The following NDRG1 variants were observed in gnomAD, a reference collection of about 807,000 sequenced individuals.
NDRG1 encodes the protein protein NDRG1.
NDRG1 carries 32 observed loss-of-function variants against 56.9 expected under a neutral mutation model. The observed-to-expected ratio is 0.56, with a 90% CI of 0.42 to 0.76. The LOEUF (loss-of-function observed/expected upper bound fraction) is 0.76, where lower values mean the gene tolerates loss of function less well. NDRG1 is among the 30% of genes least tolerant of loss of function. The probability of loss-of-function intolerance (pLI) is 0.00; values close to 1 mark genes in which losing one functional copy is unlikely to be tolerated. For missense variants in NDRG1, 507 were observed against 545.7 expected, an observed-to-expected ratio of 0.93 and a Z score of 0.71; for synonymous variants, 211 against 204.1, an observed-to-expected ratio of 1.03 and a Z score of -0.29.
chr8:133,242,226 A>C (rs1348952332), intron 14 of NDRG1, 152 bp from the exon 15 acceptor site: 6 of 783,118 alleles, frequency 7.7e-6, no homozygotes, highest in Non-Finnish European at 1.3e-5. Context: ...CAAAAGTAAG[A>C]GTATGGGACA....
chr8:133,285,410 A>G (rs1858053253), intron 1 of NDRG1, among the ~76,000 whole-genome samples: 1 of 152,120 alleles, frequency 6.6e-6, no homozygotes, highest in Non-Finnish European at 1.5e-5. Flanking sequence ...CTGAATGGAA[A>G]ACGCCTGACC....
In NDRG1 at chr8:133,246,612, G is replaced by C. The variant is rs1045595033; in HGVS notation, c.855+4C>G. 3 of 1,614,060 alleles carry C rather than the reference G, an allele frequency of 1.9e-6. No individual in the cohort carries two copies. The highest frequency in any genetic ancestry group is 1.7e-6 in the Non-Finnish European group (2 of 1,179,918). On this transcript the variant is annotated splice_donor_region_variant and intron_variant, in intron 13 of 15. Coordinates refer to ENST00000323851, the MANE Select transcript of NDRG1 (RefSeq NM_006096.4). ...AACACGAACCCCCACTGTTTTCCCT[G>C]TACCTTGAGGAGAGTGGTCTTTGTT... is the stretch of plus-strand genomic sequence containing the variant.
At chr8:133,239,170 G>A in intron 15 of NDRG1, 51 bp from the exon 16 acceptor site, 1 of 1,548,364 alleles carries the variant, frequency 6.5e-7, no homozygotes, top group Non-Finnish European at 8.7e-7. Context: ...GCCAGGTGAG[G>A]AGCCAGGCAT....
intron 2 of NDRG1, among the ~76,000 whole-genome samples, chr8:133,283,649 T>C (rs2130793541): frequency 6.6e-6 from 1 of 152,344 alleles, no homozygotes; most frequent in South Asian, 2.1e-4. Context: ...ATGAATTAGG[T>C]CACTCCATCC....
intron 1 of NDRG1, chr8:133,296,694 GACACACACAC>G (rs36215434): frequency 0.015 from 4,077 of 269,982 alleles, 16 homozygotes; most frequent in Middle Eastern, 0.045. Flanking sequence ...CCCAGACACA[GACACACACAC>G]ACACACACAC....
intron 1 of NDRG1, among the ~76,000 whole-genome samples, chr8:133,285,598 C>T (rs1309743879): frequency 1.3e-5 from 2 of 152,194 alleles, no homozygotes; most frequent in African/African-American, 2.4e-5. Flanking sequence ...CCGGCAAGTG[C>T]GGGCCACCCC....
At chr8:133,265,199 C>T (rs1856856317) in intron 3 of NDRG1, among the ~76,000 whole-genome samples, 1 of 152,210 alleles carries the variant, frequency 6.6e-6, no homozygotes, top group Admixed American at 6.5e-5. Context: ...TTCATGCACT[C>T]CACCTCCCAG....
chr8:133,252,373 G>T (rs915774794), intron 9 of NDRG1, among the ~76,000 whole-genome samples: 3 of 152,170 alleles, frequency 2.0e-5, no homozygotes, highest in African/African-American at 7.2e-5. Flanking sequence ...GGGATTATAG[G>T]TGTGAGCCAC....
intron 9 of NDRG1, among the ~76,000 whole-genome samples, chr8:133,251,868 A>G (rs1170585185): frequency 2.0e-5 from 3 of 152,224 alleles, no homozygotes; most frequent in Admixed American, 1.3e-4. Flanking sequence ...AGTATCCTTA[A>G]AAGAGGAAGG....
chr8:133,258,875 C>A, intron 6 of NDRG1: 1 of 536,616 alleles, frequency 1.9e-6, no homozygotes, highest in Non-Finnish European at 3.4e-6. Flanking sequence ...CAGAACATTC[C>A]ATGGGAAAGA....
intron 13 of NDRG1, among the ~76,000 whole-genome samples, chr8:133,244,850 T>C (rs1855581508): frequency 6.6e-6 from 1 of 152,206 alleles, no homozygotes; most frequent in African/African-American, 2.4e-5. Context: ...CAGGCCGGAT[T>C]CAGCTGACCA....
At position 133,238,711 on chromosome 8, in the gene NDRG1, C is replaced by A; in HGVS notation, c.*167G>T. ...CGCCACCCCGCCTTTGGAGAGGGCA[C>A]CCACGTAATAGACCTCATTTGTCTC... On this transcript the variant is annotated 3_prime_UTR_variant, in exon 16 of 16. Coordinates refer to ENST00000323851, the MANE Select transcript of NDRG1 (RefSeq NM_006096.4). 2.4e-6 allele frequency: 2 copies of A among 842,596 alleles called. No homozygotes were observed. The highest frequency in any genetic ancestry group is 3.6e-6 in the Non-Finnish European group (2 of 560,882). The allele number at this position is 842,596 out of a possible 1,614,324, so 52.2% of individuals were successfully genotyped here.
At chr8:133,264,875 A>T in intron 3 of NDRG1, 1 of 594,300 alleles carries the variant, frequency 1.7e-6, no homozygotes, top group East Asian at 2.9e-5. Context: ...CCTGGCTCAG[A>T]CTGCGCTGTT....
At chr8:133,247,278 A>G (rs1273814793) in intron 12 of NDRG1, among the ~76,000 whole-genome samples, 1 of 152,250 alleles carries the variant, frequency 6.6e-6, no homozygotes, top group Non-Finnish European at 1.5e-5. Context: ...TCACTAAGGC[A>G]TGCCAGGTAT....
intron 13 of NDRG1, 29 bp from the exon 14 acceptor site, chr8:133,244,419 A>C (rs1253286187): frequency 1.9e-6 from 3 of 1,614,052 alleles, no homozygotes. Flanking sequence ...CGTTAGTGCC[A>C]AACACCACAG....
At chr8:133,255,406 G>A (rs191153332) in intron 8 of NDRG1, 6 of 456,274 alleles carry the variant, frequency 1.3e-5, no homozygotes, top group Non-Finnish European at 2.6e-5. Flanking sequence ...AAAGGCTGGA[G>A]TTGAAAAAGA....
At chr8:133,276,928 A>G (rs995371370) in intron 3 of NDRG1, among the ~76,000 whole-genome samples, 7 of 152,238 alleles carry the variant, frequency 4.6e-5, no homozygotes, top group African/African-American at 1.7e-4. Context: ...CAAAGTGCCC[A>G]AAGTGTCCAC....
At chr8:133,287,266 C>G (rs1266106774) in intron 1 of NDRG1, among the ~76,000 whole-genome samples, 1 of 152,170 alleles carries the variant, frequency 6.6e-6, no homozygotes, top group African/African-American at 2.4e-5. Context: ...GGACTTGGCT[C>G]CCTACAATCT....
intron 3 of NDRG1, among the ~76,000 whole-genome samples, chr8:133,277,502 G>A (rs1857516458): frequency 6.6e-6 from 1 of 152,158 alleles, no homozygotes; most frequent in Non-Finnish European, 1.5e-5. Flanking sequence ...GGTAAAGAAA[G>A]GTTGCAGTGA....
Sources: gnomAD v4.1 joint callset for allele counts (sites outside exome capture counted in the v4.1 genomes callset) on GRCh38, gnomAD v4.1.1 for gene constraint, MANE v1.5 for transcripts, NCBI Gene and HGNC (gene_info 2026-07-23, HGNC 2026-07-21) for gene names.